Variants in ENPP3 observed in about 807,000 individuals in gnomAD.
The protein encoded by ENPP3 is ectonucleotide pyrophosphatase/phosphodiesterase 3.
In ENPP3, 104 loss-of-function variants were observed where a neutral mutation model predicts 117.8. That is an observed-to-expected ratio of 0.88 (90% CI 0.75 to 1.04). ENPP3 has a LOEUF of 1.04. ENPP3 is among the 50% of genes least tolerant of loss of function. The pLI is 0.00. For missense variants in ENPP3, 1,026 were observed against 1,051.9 expected, an observed-to-expected ratio of 0.98 and a Z score of 0.34; for synonymous variants, 380 against 349.9, an observed-to-expected ratio of 1.09 and a Z score of -0.96.
intron 5 of ENPP3, among the ~76,000 whole-genome samples, chr6:131,654,494 G>A (rs1490127643): frequency 1.3e-5 from 2 of 152,108 alleles, no homozygotes; most frequent in East Asian, 3.9e-4. Flanking sequence ...CCAGGTTGGA[G>A]TGCAGTGGCG....
At chr6:131,641,606 T>G (rs1778041858) in intron 2 of ENPP3, 76 bp downstream of exon 2, 1 of 928,720 alleles carries the variant, frequency 1.1e-6, no homozygotes, top group Non-Finnish European at 1.8e-6. Flanking sequence ...AAAATGTATC[T>G]CCCATCCCAA....
At chr6:131,730,178 T>G (rs1024957834) in intron 20 of ENPP3, among the ~76,000 whole-genome samples, 1 of 152,226 alleles carries the variant, frequency 6.6e-6, no homozygotes, top group Non-Finnish European at 1.5e-5. Flanking sequence ...GATAAAGATG[T>G]GTGTTAGGAA....
intron 2 of ENPP3, among the ~76,000 whole-genome samples, chr6:131,642,266 G>A (rs1329189197): frequency 2.0e-5 from 3 of 152,036 alleles, no homozygotes; most frequent in Admixed American, 6.6e-5. Context: ...CACCACGCTA[G>A]AGTTGTTCTA....
chr6:131,652,711 G>C, intron 4 of ENPP3, 44 bp downstream of exon 4: 1 of 1,612,512 alleles, frequency 6.2e-7, no homozygotes, highest in South Asian at 1.1e-5. Flanking sequence ...CGAGTTTAGA[G>C]GAACTCCATG....
intron 9 of ENPP3, among the ~76,000 whole-genome samples, chr6:131,675,927 G>A (rs746314886): frequency 2.0e-5 from 3 of 152,142 alleles, no homozygotes; most frequent in Admixed American, 6.6e-5. Flanking sequence ...GGCCCCCTGT[G>A]TCACTCAGAG....
chr6:131,661,810 T>C (rs541038691), intron 6 of ENPP3, among the ~76,000 whole-genome samples: 1 of 152,352 alleles, frequency 6.6e-6, no homozygotes, highest in Admixed American at 6.5e-5. Flanking sequence ...TCCTATCAGA[T>C]ACATGGTTTG....
intron 5 of ENPP3, among the ~76,000 whole-genome samples, chr6:131,654,936 G>T (rs529382608): frequency 6.6e-6 from 1 of 152,222 alleles, no homozygotes; most frequent in East Asian, 1.9e-4. Context: ...GGTCTTTTGC[G>T]CTAGTCACTT....
At chr6:131,671,990 G>GT (rs1308478259) in intron 7 of ENPP3, among the ~76,000 whole-genome samples, 1 of 152,160 alleles carries the variant, frequency 6.6e-6, no homozygotes, top group Non-Finnish European at 1.5e-5. Flanking sequence ...CTATGGAACA[G>GT]TAACTATGAC....
chr6:131,656,418 A>G (rs969715723), intron 5 of ENPP3, among the ~76,000 whole-genome samples: 2 of 152,206 alleles, frequency 1.3e-5, no homozygotes, highest in African/African-American at 4.8e-5. Context: ...AAAGTACTGT[A>G]TAAGTTAATA....
intron 15 of ENPP3, among the ~76,000 whole-genome samples, chr6:131,701,939 T>C (rs1466211429): frequency 2.0e-5 from 3 of 152,098 alleles, no homozygotes; most frequent in African/African-American, 7.2e-5. Flanking sequence ...TACATAGGTT[T>C]CTTTTTTATT....
At chr6:131,646,606 T>G (rs1015512051) in intron 2 of ENPP3, among the ~76,000 whole-genome samples, 1 of 152,068 alleles carries the variant, frequency 6.6e-6, no homozygotes, top group Non-Finnish European at 1.5e-5. Flanking sequence ...CTTTTACCAA[T>G]TCTCCTATAT....
rs187846946 is a variant in ENPP3, at chr6:131,663,022, C to T, written c.562+4602C>T. Reference sequence around the variant, plus strand: ...GATTTTTGTATGTTGATTTTGTATCCTGCAATTTTACTGCATTTATTAGTT... The same window carrying T: ...GATTTTTGTATGTTGATTTTGTATCTTGCAATTTTACTGCATTTATTAGTT... On this transcript the variant is annotated intron_variant, in intron 6 of 24. Transcript: ENST00000357639. 3.0e-3 allele frequency among the ~76,000 whole-genome samples: 458 copies of T among 152,102 alleles called. 4 individuals carry two copies. Among genetic ancestry groups the T allele is most frequent in the Non-Finnish European group, 4.4e-3 (297 of 67,970 alleles).
At chr6:131,744,972 T>C (rs1259617230) in intron 24 of ENPP3, among the ~76,000 whole-genome samples, 1 of 152,152 alleles carries the variant, frequency 6.6e-6, no homozygotes, top group South Asian at 2.1e-4. Context: ...CTTACTCAGG[T>C]TAAATAGCTG....
chr6:131,682,023 G>C (rs376010440), intron 11 of ENPP3, among the ~76,000 whole-genome samples: 1 of 151,990 alleles, frequency 6.6e-6, no homozygotes, highest in Non-Finnish European at 1.5e-5. Context: ...AGTAGAGATG[G>C]GGTTTCACCA....
chr6:131,656,884 A>G (rs1174624874), intron 5 of ENPP3, among the ~76,000 whole-genome samples: 1 of 152,176 alleles, frequency 6.6e-6, no homozygotes, highest in Admixed American at 6.5e-5. Context: ...AGAATGTAAA[A>G]TGCACTCTCT....
intron 12 of ENPP3, among the ~76,000 whole-genome samples, chr6:131,683,749 G>GTTT (rs397940601): frequency 3.5e-4 from 44 of 126,574 alleles, no homozygotes; most frequent in African/African-American, 1.1e-3. Flanking sequence ...CACTCTACAG[G>GTTT]TTTTTTTTTT....
chr6:131,672,105 A>G (rs1053797019), intron 7 of ENPP3, among the ~76,000 whole-genome samples: 5 of 152,192 alleles, frequency 3.3e-5, no homozygotes, highest in Non-Finnish European at 5.9e-5. Context: ...GTAACCCCCA[A>G]ATCAATAAGT....
intron 14 of ENPP3, among the ~76,000 whole-genome samples, chr6:131,691,577 A>T (rs1779279678): frequency 6.6e-6 from 1 of 150,932 alleles, no homozygotes; most frequent in Admixed American, 6.6e-5. Context: ...TGATAGAGCA[A>T]GACTCAGTCT....
chr6:131,720,675 A>G (rs190267972), intron 17 of ENPP3, among the ~76,000 whole-genome samples: 2 of 152,214 alleles, frequency 1.3e-5, no homozygotes, highest in Admixed American at 1.3e-4. Flanking sequence ...TCCGCCTCCC[A>G]GGTTCAAGTT....
Sources: gnomAD v4.1 joint callset for allele counts (sites outside exome capture counted in the v4.1 genomes callset) on GRCh38, gnomAD v4.1.1 for gene constraint, MANE v1.5 for transcripts, NCBI Gene and HGNC (gene_info 2026-07-23, HGNC 2026-07-21) for gene names.